APBA1: variants seen among roughly 807,000 people sequenced by gnomAD.
APBA1 encodes the protein amyloid beta precursor protein binding family A member 1.
Under a neutral mutation model 86.6 loss-of-function variants are expected in APBA1, and 55 were observed. That is an observed-to-expected ratio of 0.64 (90% CI 0.51 to 0.80). APBA1 has a LOEUF of 0.80. APBA1 is among the 30% of genes least tolerant of loss of function. The pLI is 0.00. For missense variants in APBA1, 1,090 were observed against 1,183.0 expected (o/e 0.92, Z 1.15); for synonymous variants, 511 against 493.9 (o/e 1.03, Z -0.46).
At chr9:69,628,985 T>C (rs1822985457) in intron 1 of APBA1, among the ~76,000 whole-genome samples, 1 of 152,202 alleles carries the variant, frequency 6.6e-6, no homozygotes, top group Non-Finnish European at 1.5e-5. Flanking sequence ...CCCACAATTA[T>C]ATTTTTTAGG....
chr9:69,519,473 G>A (rs1369373286), intron 1 of APBA1, among the ~76,000 whole-genome samples: 3 of 152,184 alleles, frequency 2.0e-5, no homozygotes, highest in Admixed American at 6.5e-5. Flanking sequence ...TACCCAAGTT[G>A]CCTTCATAAG....
chr9:69,469,624 CA>C (rs1835334542), intron 4 of APBA1, among the ~76,000 whole-genome samples: 1 of 152,214 alleles, frequency 6.6e-6, no homozygotes, highest in Non-Finnish European at 1.5e-5. Context: ...TCAACAGCCA[CA>C]GGGGCCCGCT....
Position 69,525,858 on chromosome 9 carries a change from C to G in APBA1, c.-69-8579G>C, listed in dbSNP as rs7852097. Among the ~76,000 whole-genome samples, 1,194 of 151,198 alleles carry G rather than the reference C, an allele frequency of 7.9e-3. 20 individuals carry two copies. The highest frequency in any genetic ancestry group is 0.028 in the African/African-American group (1,146 of 41,290). ...GGACCAAAACATCATGGTACTTGTACAAAAACAGACACATAGAGGAATGGA... is the reference window on the plus strand; with the variant it reads ...GGACCAAAACATCATGGTACTTGTAGAAAAACAGACACATAGAGGAATGGA... On this transcript the variant is annotated intron_variant, in intron 1 of 12. Coordinates refer to ENST00000265381, the MANE Select transcript of APBA1 (RefSeq NM_001163.4).
chr9:69,459,882 T>C (rs893350953), intron 5 of APBA1, among the ~76,000 whole-genome samples: 2 of 152,276 alleles, frequency 1.3e-5, no homozygotes, highest in African/African-American at 2.4e-5. Flanking sequence ...TGTTTGCTGT[T>C]ATATGATTAT....
chr9:69,517,696 T>G (rs1296946862), intron 1 of APBA1, among the ~76,000 whole-genome samples: 1 of 152,208 alleles, frequency 6.6e-6, no homozygotes, highest in African/African-American at 2.4e-5. Flanking sequence ...ACTCTTTACA[T>G]CAATTTCAAA....
chr9:69,641,676 T>G (rs1461866894), intron 1 of APBA1, among the ~76,000 whole-genome samples: 3 of 152,144 alleles, frequency 2.0e-5, no homozygotes, highest in Admixed American at 1.3e-4. Context: ...GTATTAGAAC[T>G]GAATATTCAT....
intron 1 of APBA1, among the ~76,000 whole-genome samples, chr9:69,615,494 G>A (rs752978407): frequency 3.3e-5 from 5 of 152,108 alleles, no homozygotes; most frequent in Non-Finnish European, 7.4e-5. Context: ...TGGCTTCAAG[G>A]GTTCCCAGCC....
At chr9:69,669,605 A>C (rs963378663) in intron 1 of APBA1, among the ~76,000 whole-genome samples, 2 of 152,146 alleles carry the variant, frequency 1.3e-5, no homozygotes, top group African/African-American at 2.4e-5. Flanking sequence ...GCGAGACTCT[A>C]TCTCTGAAAA....
rs1390668426 is a variant in APBA1 at position 69,517,157 on chromosome 9, A to C, written c.54T>G (p.Gly18=). 6.4e-7 allele frequency: 1 copy of C among 1,558,488 alleles called. No homozygotes were observed. ...AEVEVTDEAA[G]GEVNESVEAD... Reference sequence around the variant, plus strand: ...CCTCCACCGACTCGTTCACCTCCCCACCTGCCGCCTCGTCGGTCACCTCCA... The same window carrying C: ...CCTCCACCGACTCGTTCACCTCCCCCCCTGCCGCCTCGTCGGTCACCTCCA... The change falls in exon 2 of 13, where the codon GGT becomes GGG. Residue 18 remains glycine, a synonymous_variant. Transcript: ENST00000265381.
At chr9:69,481,123 G>C (rs1835499394) in intron 2 of APBA1, among the ~76,000 whole-genome samples, 1 of 151,058 alleles carries the variant, frequency 6.6e-6, no homozygotes, top group Admixed American at 6.6e-5. Flanking sequence ...GTTCTGGCCA[G>C]GGCAATTAGG....
rs555130087 is a variant in APBA1, at chr9:69,575,910, G to A, written c.-69-58631C>T. Reference sequence around the variant, plus strand: ...CACAGCAAAAGAAATTACCATCAGAGTGAACAGGCAACCTACAGAATAAGA... The same window carrying A: ...CACAGCAAAAGAAATTACCATCAGAATGAACAGGCAACCTACAGAATAAGA... On this transcript the variant is annotated intron_variant, in intron 1 of 12. Transcript: ENST00000265381. Among the ~76,000 whole-genome samples the A allele has an allele frequency of 2.7e-3, 412 of 152,294 alleles. 3 individuals are homozygous for A. Among genetic ancestry groups the A allele is most frequent in the African/African-American group, 9.3e-3 (388 of 41,566 alleles).
At chr9:69,620,312 C>T (rs1176320615) in intron 1 of APBA1, among the ~76,000 whole-genome samples, 2 of 152,206 alleles carry the variant, frequency 1.3e-5, no homozygotes, top group Non-Finnish European at 2.9e-5. Flanking sequence ...ATAAGGTACA[C>T]ACTAAGCTAG....
chr9:69,540,772 A>T (rs149152578), intron 1 of APBA1, among the ~76,000 whole-genome samples: 26 of 151,960 alleles, frequency 1.7e-4, no homozygotes, highest in African/African-American at 5.3e-4. Context: ...CTAATTTTAA[A>T]TTTTTTTGTA....
intron 11 of APBA1, 63 bp from the exon 12 acceptor site, chr9:69,432,739 C>A: frequency 7.2e-7 from 1 of 1,396,238 alleles, no homozygotes; most frequent in Middle Eastern, 1.9e-4. Flanking sequence ...GGAAGGCCGT[C>A]TTTCCTGAAA....
chr9:69,597,877 G>A (rs1203715748), intron 1 of APBA1, among the ~76,000 whole-genome samples: 3 of 152,084 alleles, frequency 2.0e-5, no homozygotes, highest in South Asian at 2.1e-4. Flanking sequence ...TCAGTGTGGC[G>A]ATTCCTCAGG....
At chr9:69,440,720 C>T (rs974071586) in intron 11 of APBA1, among the ~76,000 whole-genome samples, 2 of 152,172 alleles carry the variant, frequency 1.3e-5, no homozygotes, top group African/African-American at 4.8e-5. Flanking sequence ...TCCCTGACCC[C>T]TTGCGCTTCC....
intron 1 of APBA1, among the ~76,000 whole-genome samples, chr9:69,663,461 A>C (rs762097703): frequency 2.0e-5 from 3 of 152,242 alleles, no homozygotes; most frequent in Non-Finnish European, 4.4e-5. Flanking sequence ...AATTTCCTTA[A>C]ATGACTCTAA....
At chr9:69,490,698 C>A (rs1341621985) in intron 2 of APBA1, among the ~76,000 whole-genome samples, 1 of 152,020 alleles carries the variant, frequency 6.6e-6, no homozygotes, top group African/African-American at 2.4e-5. Flanking sequence ...TTTTTGCAAT[C>A]CACTCCTCTG....
rs759598664 is a variant in APBA1, at chr9:69,441,102, T to A, written c.2195A>T (p.Gln732Leu). ...CQSIIKGLKN[Q>L]SRVKLNIVRC... ...CACGATATTCAGCTTGACTCGGGACTGATTCTTTAAGCCCTTAAACATGAA... is the reference window on the plus strand; with the variant it reads ...CACGATATTCAGCTTGACTCGGGACAGATTCTTTAAGCCCTTAAACATGAA... The change falls in exon 11 of 13, where the codon CAG becomes CTG. Residue 732 changes from glutamine (Q) to leucine (L), a missense_variant. Transcript: ENST00000265381. 6.2e-7 allele frequency: 1 copy of A among 1,614,022 alleles called. No homozygotes were observed. The highest frequency in any genetic ancestry group is 8.5e-7 in the Non-Finnish European group (1 of 1,179,980).
Sources: allele counts gnomAD v4.1 joint callset (sites outside exome capture counted in the v4.1 genomes callset), GRCh38; gene constraint gnomAD v4.1.1; transcripts MANE v1.5; gene names NCBI Gene and HGNC (gene_info 2026-07-23, HGNC 2026-07-21).